OPTN: variants seen among roughly 807,000 people sequenced by gnomAD.
OPTN encodes the protein E3-14.7K-interacting protein.
OPTN carries 54 observed loss-of-function variants against 70.4 expected under a neutral mutation model. The observed-to-expected ratio is 0.77, with a 90% CI of 0.62 to 0.96. OPTN has a LOEUF of 0.96. Among genes scored for constraint, OPTN ranks in the 40% least tolerant of loss-of-function variants. OPTN has a pLI of 0.00. For missense variants in OPTN, 624 were observed against 673.2 expected (o/e 0.93, Z 0.81); for synonymous variants, 256 against 248.5 (o/e 1.03, Z -0.28).
At chr10:13,123,221 T>C (rs1190771891) in intron 8 of OPTN, 1 of 153,120 alleles carries the variant, frequency 6.5e-6, no homozygotes. Context: ...TCTTGTTCAG[T>C]GTTGTCTGGT....
At chr10:13,116,081 A>G (rs1328792059) in intron 5 of OPTN, among the ~76,000 whole-genome samples, 186 bp from the exon 6 acceptor site, 1 of 152,158 alleles carries the variant, frequency 6.6e-6, no homozygotes, top group Non-Finnish European at 1.5e-5. Context: ...AGGGCGTGCC[A>G]GGTGAGGGGA....
At chr10:13,112,110 A>G (rs7895403) in intron 4 of OPTN, among the ~76,000 whole-genome samples, 68,801 of 149,428 alleles carry the variant, frequency 0.46, 16,233 homozygotes, top group Non-Finnish European at 0.52. Context: ...CGGCCTCCCA[A>G]AGTGCTGGGA....
chr10:13,104,845 C>T (rs1832829755), intron 1 of OPTN: 1 of 408,720 alleles, frequency 2.4e-6, no homozygotes, highest in Non-Finnish European at 4.6e-6. Context: ...CTTCAAGGAA[C>T]GAAGAAGGGA....
intron 7 of OPTN, among the ~76,000 whole-genome samples, chr10:13,120,052 G>A (rs1176522121): frequency 5.5e-5 from 8 of 146,528 alleles, no homozygotes; most frequent in Non-Finnish European, 1.0e-4. Flanking sequence ...GCGCAATCTC[G>A]GCTCACTGCA....
chr10:13,105,327 T>C (rs1328825880), intron 1 of OPTN, among the ~76,000 whole-genome samples: 1 of 152,212 alleles, frequency 6.6e-6, no homozygotes, highest in Non-Finnish European at 1.5e-5. Context: ...GGGGTTTAGA[T>C]TGTGGTCTTT....
chr10:13,133,070 C>T (rs1048466891), intron 13 of OPTN, among the ~76,000 whole-genome samples: 5 of 152,190 alleles, frequency 3.3e-5, no homozygotes, highest in Non-Finnish European at 7.3e-5. Flanking sequence ...ATCACATACA[C>T]ACTTACCTAT....
At position 13,116,257 on chromosome 10, in the gene OPTN, G is replaced by A. The variant is rs11258210; in HGVS notation, c.553-10G>A. On this transcript the variant is annotated splice_polypyrimidine_tract_variant and intron_variant, in intron 5 of 14. Transcript: ENST00000378747. ...ATTGTGTTAAATCCCTTGCATTTCT[G>A]TTTTCACAGGAAGGAGAAGCAGAAG... 4.2e-3 allele frequency: 6,693 copies of A among 1,579,346 alleles called. 241 individuals carry two copies. In the East Asian group the frequency reaches 0.1, roughly 24 times the overall value.
chr10:13,136,627 C>A, intron 14 of OPTN, 118 bp from the exon 15 acceptor site: 2 of 1,200,826 alleles, frequency 1.7e-6, no homozygotes, highest in South Asian at 1.3e-5. Context: ...TGCTCATGTC[C>A]CACTACGTGT....
intron 3 of OPTN, 121 bp downstream of exon 3, chr10:13,109,409 G>C: frequency 1.0e-6 from 1 of 973,654 alleles, no homozygotes; most frequent in Non-Finnish European, 1.6e-6. Flanking sequence ...GTAGCTGGTG[G>C]GGAAGCACAG....
Position 13,118,871 on chromosome 10 carries a change from A to G in OPTN, c.627-17A>G. On this transcript the variant is annotated splice_polypyrimidine_tract_variant and intron_variant, in intron 6 of 14. Coordinates refer to ENST00000378747, the MANE Select transcript of OPTN (RefSeq NM_001008212.2). Reference sequence around the variant, plus strand: ...GAATTTTTCTGATGAAAACCTTTTAACCTTTATACTGAACAGGGCATTGTC... The same window carrying G: ...GAATTTTTCTGATGAAAACCTTTTAGCCTTTATACTGAACAGGGCATTGTC... 3 of 1,613,044 alleles carry G rather than the reference A, an allele frequency of 1.9e-6. No homozygotes were observed. Among genetic ancestry groups the G allele is most frequent in the Non-Finnish European group, 2.5e-6 (3 of 1,179,094 alleles).
chr10:13,108,903 TGC>T (rs145112217), intron 2 of OPTN: 82 of 477,526 alleles, frequency 1.7e-4, no homozygotes, highest in South Asian at 5.3e-4. Flanking sequence ...CATGCACACA[TGC>T]GCGTGCACAC....
intron 12 of OPTN, 46 bp downstream of exon 12, chr10:13,127,949 T>C (rs772666071): frequency 6.3e-6 from 10 of 1,599,294 alleles, no homozygotes; most frequent in Middle Eastern, 1.7e-4. Context: ...CAGCCCTGAC[T>C]GTATTCTCGC....
At position 13,109,114 on chromosome 10, in the gene OPTN, A is replaced by C. The variant is rs779282676; in HGVS notation, c.-9A>C. The C allele has an allele frequency of 3.1e-6, 5 of 1,613,792 alleles. No individual in the cohort carries two copies. Among genetic ancestry groups the C allele is most frequent in the Non-Finnish European group, 4.2e-6 (5 of 1,179,940 alleles). On this transcript the variant is annotated splice_region_variant and 5_prime_UTR_variant, in exon 3 of 15. Coordinates refer to ENST00000378747, the MANE Select transcript of OPTN (RefSeq NM_001008212.2). ...TTCAACAGGTGACTTTTCCACAGGA[A>C]CTTCTGCAATGTCCCATCAACCTCT...
chr10:13,115,210 TA>T (rs1459679007), intron 5 of OPTN, among the ~76,000 whole-genome samples: 1 of 6,608 alleles, frequency 1.5e-4, no homozygotes, highest in East Asian at 3.3e-3. Flanking sequence ...TATCTATATT[TA>T]TATATATATT....
chr10:13,119,370 C>T (rs75897120), intron 7 of OPTN, among the ~76,000 whole-genome samples: 2,100 of 152,270 alleles, frequency 0.014, 60 homozygotes, highest in African/African-American at 0.046. Context: ...TCATCTACAA[C>T]GTAGCATGTA....
Position 13,125,420 on chromosome 10 carries a change from GTCAGGCCCTTGAAAGGAAAAA to G in OPTN, c.1003_1023del (p.Gln335_Asn341del). The G allele has an allele frequency of 6.2e-7, 1 of 1,614,118 alleles. No individual in the cohort carries two copies. Among genetic ancestry groups the G allele is most frequent in the Non-Finnish European group, 8.5e-7 (1 of 1,179,998 alleles). On this transcript the variant is annotated inframe_deletion, in exon 10 of 15. Coordinates refer to ENST00000378747, the MANE Select transcript of OPTN (RefSeq NM_001008212.2). Reference sequence around the variant, plus strand: ...CATGAAATCTTGACCTTTCTTAGGTGTCAGGCCCTTGAAAGGAAAAATTCTGCAATTCCATCAGAGTTGAAT... The same window carrying G: ...CATGAAATCTTGACCTTTCTTAGGTGTTCTGCAATTCCATCAGAGTTGAAT...
Position 13,108,201 on chromosome 10 carries a change from C to A in OPTN, c.-100C>A, listed in dbSNP as rs544897020. ...TGGATGAGCCGTACGCCTCTGTAAA[C>A]CCAACTTCCTCACCTTTGAAACAGC... is the stretch of plus-strand genomic sequence containing the variant. On this transcript the variant is annotated 5_prime_UTR_variant, in exon 2 of 15. Transcript: ENST00000378747. The A allele has an allele frequency of 3.9e-5, 6 of 152,298 alleles. No homozygotes were observed. Among genetic ancestry groups the A allele is most frequent in the African/African-American group, 1.2e-4 (5 of 41,560 alleles). 9.4% of individuals were successfully genotyped at this position (152,298 alleles called of 1,614,324 possible).
intron 11 of OPTN, 108 bp from the exon 12 acceptor site, chr10:13,127,637 A>G: frequency 4.8e-6 from 6 of 1,249,934 alleles, no homozygotes; most frequent in Non-Finnish European, 6.8e-6. Context: ...ATGAGCCACC[A>G]CACCCGGCCA....
At chr10:13,110,202 G>C (rs1212691867) in intron 3 of OPTN, 72 bp from the exon 4 acceptor site, 1 of 1,585,774 alleles carries the variant, frequency 6.3e-7, no homozygotes, top group Non-Finnish European at 8.6e-7. Flanking sequence ...AAGTGGACTA[G>C]AGGGAGATTT....
Sources: allele counts gnomAD v4.1 joint callset (sites outside exome capture counted in the v4.1 genomes callset), GRCh38; gene constraint gnomAD v4.1.1; transcripts MANE v1.5; gene names NCBI Gene and HGNC (gene_info 2026-07-23, HGNC 2026-07-21).